The following DUSP5 variants were observed in gnomAD, a reference collection of about 807,000 sequenced individuals.
The protein encoded by DUSP5 is dual specificity protein phosphatase 5.
A neutral mutation model predicts 33.6 loss-of-function variants in DUSP5; 22 were observed. That is an observed-to-expected ratio of 0.66 (90% confidence interval 0.47 to 0.94). The LOEUF is 0.94. Among genes scored for constraint, DUSP5 ranks in the 40% least tolerant of loss-of-function variants. The probability of loss-of-function intolerance (pLI) is 0.00; values close to 1 mark genes in which losing one functional copy is unlikely to be tolerated. For missense variants in DUSP5, 551 were observed against 522.1 expected (o/e 1.06, Z -0.54); for synonymous variants, 270 against 231.1 (o/e 1.17, Z -1.53).
At position 110,502,796 on chromosome 10, in the gene DUSP5, A is replaced by G. The variant is rs1860070936; in HGVS notation, c.455A>G (p.Glu152Gly). The G allele has an allele frequency of 3.7e-6, 6 of 1,614,162 alleles. No individual in the cohort carries two copies. Among genetic ancestry groups the G allele is most frequent in the Non-Finnish European group, 5.1e-6 (6 of 1,180,038 alleles). ...DVKPISQEKI[E>G]SERALISQCG... ...AAACCCATTTCACAAGAGAAGATTG[A>G]GAGTGAGAGAGCCCTCATCAGCCAG... is the stretch of plus-strand genomic sequence containing the variant. The change falls in exon 2 of 4, where the codon GAG becomes GGG. Residue 152 changes from glutamate to glycine, a missense_variant. By Grantham distance (98) the Glu-to-Gly change is moderately conservative. Transcript: ENST00000369583.
intron 1 of DUSP5, among the ~76,000 whole-genome samples, chr10:110,499,505 A>T (rs989475950): frequency 1.3e-5 from 2 of 148,894 alleles, no homozygotes; most frequent in Non-Finnish European, 3.0e-5. Context: ...ACACCTTGGG[A>T]TGTAACAGTG....
chr10:110,498,302 TCGGCGCGCTACGTGCTGCCCGACGAGG>T lies in DUSP5; in HGVS notation c.190_216del (p.Tyr64_Arg72del), dbSNP rs1859986766. 4 of 1,436,576 alleles carry T rather than the reference TCGGCGCGCTACGTGCTGCCCGACGAGG, an allele frequency of 2.8e-6. No homozygotes were observed. Among genetic ancestry groups the T allele is most frequent in the Non-Finnish European group, 3.7e-6 (4 of 1,090,862 alleles). The allele number at this position is 1,436,576 out of a possible 1,614,324, so 89.0% of individuals were successfully genotyped here. On this transcript the variant is annotated inframe_deletion, in exon 1 of 4. Transcript: ENST00000369583. ...GCGGCGGGCCCGGGGCGGCGCGGTG[TCGGCGCGCTACGTGCTGCCCGACGAGG>T]CGGCGCGCGCGCGGCTCCTGCAGGA...
Position 110,510,502 on chromosome 10 carries a change from C to T in DUSP5, c.*76C>T. On this transcript the variant is annotated 3_prime_UTR_variant, in exon 4 of 4. Coordinates refer to ENST00000369583, the MANE Select transcript of DUSP5 (RefSeq NM_004419.4). ...TTTTAAGACTCATGGACATTTCATA[C>T]CTGTGCAATACTGAAGACCTCATTC... 2.1e-6 allele frequency: 3 copies of T among 1,446,530 alleles called. No homozygotes were observed. The African/African-American group carries it at 4.3e-5, about 21-fold the overall frequency. The allele number at this position is 1,446,530 out of a possible 1,614,324, so 89.6% of individuals were successfully genotyped here.
chr10:110,503,391 A>T (rs1279809181), intron 2 of DUSP5: 2 of 152,858 alleles, frequency 1.3e-5, no homozygotes, highest in Non-Finnish European at 2.9e-5. Flanking sequence ...TGGGTGGCTA[A>T]GTAGGCTCCT....
At position 110,508,810 on chromosome 10, in the gene DUSP5, A is replaced by T. The variant is rs1860150965; in HGVS notation, c.749-1210A>T. Among the ~76,000 whole-genome samples, 7 of 152,230 alleles carry T rather than the reference A, an allele frequency of 4.6e-5. No individual in the cohort carries two copies. In the South Asian group the frequency reaches 1.4e-3, roughly 32 times the overall value. On this transcript the variant is annotated intron_variant, in intron 3 of 3. Coordinates refer to ENST00000369583, the MANE Select transcript of DUSP5 (RefSeq NM_004419.4). ...ACTGTTTTGTTGTTTCTTTTGAGTCAGACTGAATTGGAGGACACCCCTATT... is the reference window on the plus strand; with the variant it reads ...ACTGTTTTGTTGTTTCTTTTGAGTCTGACTGAATTGGAGGACACCCCTATT...
intron 1 of DUSP5, among the ~76,000 whole-genome samples, chr10:110,502,445 C>A (rs1004141195): frequency 6.6e-6 from 1 of 152,226 alleles, no homozygotes; most frequent in Non-Finnish European, 1.5e-5. Flanking sequence ...AGATGCTAGA[C>A]ACTTTCTTTC....
At position 110,506,923 on chromosome 10, in the gene DUSP5, C is replaced by T; in HGVS notation, c.529-12C>T. The T allele has an allele frequency of 6.2e-7, 1 of 1,612,288 alleles. No individual in the cohort carries two copies. Among genetic ancestry groups the T allele is most frequent in the Non-Finnish European group, 8.5e-7 (1 of 1,178,628 alleles). ...CCAATATTTCCTGATTGTCCTTTGT[C>T]CCTGCATCCAGGGTGGCCCAGTTGA... On this transcript the variant is annotated splice_polypyrimidine_tract_variant and intron_variant, in intron 2 of 3. Coordinates refer to ENST00000369583, the MANE Select transcript of DUSP5 (RefSeq NM_004419.4).
At chr10:110,509,273 C>T (rs1390501518) in intron 3 of DUSP5, among the ~76,000 whole-genome samples, 1 of 152,200 alleles carries the variant, frequency 6.6e-6, no homozygotes, top group Non-Finnish European at 1.5e-5. Context: ...AGAATGCTAA[C>T]TGATGGTGGT....
At chr10:110,502,167 GTT>G (rs1860059011) in intron 1 of DUSP5, among the ~76,000 whole-genome samples, 1 of 152,026 alleles carries the variant, frequency 6.6e-6, no homozygotes. Context: ...TGTCAGCAGT[GTT>G]CTTCTTAGCA....
intron 1 of DUSP5, among the ~76,000 whole-genome samples, chr10:110,501,968 G>GA (rs982665486): frequency 6.6e-6 from 1 of 151,662 alleles, no homozygotes; most frequent in Non-Finnish European, 1.5e-5. Flanking sequence ...TATTGATTGG[G>GA]GGGGGGGTGC....
intron 1 of DUSP5, 112 bp from the exon 2 acceptor site, chr10:110,502,606 CTTA>C: frequency 1.6e-6 from 2 of 1,282,066 alleles, no homozygotes; most frequent in Non-Finnish European, 2.1e-6. Flanking sequence ...TCTGTACTGG[CTTA>C]TTTTTTTTCT....
At position 110,498,043 on chromosome 10, in the gene DUSP5, C is replaced by T. The variant is rs1243247832; in HGVS notation, c.-79C>T. The T allele has an allele frequency of 4.7e-6, 5 of 1,055,078 alleles. No homozygotes were observed. The African/African-American group carries it at 5.1e-5, about 11-fold the overall frequency. The allele number at this position is 1,055,078 out of a possible 1,614,324, so 65.4% of individuals were successfully genotyped here. On this transcript the variant is annotated 5_prime_UTR_variant, in exon 1 of 4. Coordinates refer to ENST00000369583, the MANE Select transcript of DUSP5 (RefSeq NM_004419.4). ...CGCCCTCCCGTGCCTCGCCCGCGGA[C>T]ACCCTGGCCGTGGACACCCTGGCCG...
intron 3 of DUSP5, among the ~76,000 whole-genome samples, chr10:110,508,420 C>G (rs894048796): frequency 3.9e-5 from 6 of 152,186 alleles, no homozygotes; most frequent in Non-Finnish European, 7.3e-5. Context: ...CCTCCCCATC[C>G]TGTGTGTGTA....
At chr10:110,509,915 A>G in intron 3 of DUSP5, 105 bp from the exon 4 acceptor site, 1 of 1,447,450 alleles carries the variant, frequency 6.9e-7, no homozygotes, top group Non-Finnish European at 9.2e-7. Context: ...TTAGGCAGGC[A>G]CAACAGTTTC....
intron 1 of DUSP5, among the ~76,000 whole-genome samples, chr10:110,500,916 C>T (rs2134657160): frequency 6.6e-6 from 1 of 152,324 alleles, no homozygotes; most frequent in South Asian, 2.1e-4. Context: ...CATGCAGGAT[C>T]CAGCCCACAC....
At chr10:110,498,529 G>A in intron 1 of DUSP5, 29 bp downstream of exon 1, 1 of 1,427,298 alleles carries the variant, frequency 7.0e-7, no homozygotes, top group South Asian at 1.4e-5. Flanking sequence ...TGCCACGCTC[G>A]CCCCTCCGGC....
Position 110,510,713 on chromosome 10 carries a change from C to A in DUSP5, c.*287C>A. On this transcript the variant is annotated 3_prime_UTR_variant, in exon 4 of 4. Coordinates refer to ENST00000369583, the MANE Select transcript of DUSP5 (RefSeq NM_004419.4). ...TGCCCAGTCCTTGCACCTCAGAGTT[C>A]GCCTTTTCATTTCAAGCATAAGGCA... 1 of 340,960 alleles carries A rather than the reference C, an allele frequency of 2.9e-6. No homozygotes were observed. The allele number at this position is 340,960 out of a possible 1,614,324, so 21.1% of individuals were successfully genotyped here. A position where few individuals can be genotyped will look rare whatever the true frequency, so the allele number is the denominator to read the frequency against.
chr10:110,503,152 T>C (rs1209886451), intron 2 of DUSP5, among the ~76,000 whole-genome samples: 4 of 152,234 alleles, frequency 2.6e-5, no homozygotes, highest in Admixed American at 1.3e-4. Context: ...AAGTGAAAGA[T>C]ACATTATTGT....
chr10:110,501,177 G>A (rs1860042622), intron 1 of DUSP5, among the ~76,000 whole-genome samples: 1 of 152,154 alleles, frequency 6.6e-6, no homozygotes, highest in African/African-American at 2.4e-5. Context: ...GGAAGCTGTG[G>A]GTCATTGTGA....
Sources: gnomAD v4.1 joint callset for allele counts (sites outside exome capture counted in the v4.1 genomes callset) on GRCh38, gnomAD v4.1.1 for gene constraint, MANE v1.5 for transcripts, NCBI Gene and HGNC (gene_info 2026-07-23, HGNC 2026-07-21) for gene names.